Variants in KRT222 observed in about 807,000 individuals in gnomAD.
The protein encoded by KRT222 is keratin 222, also known as keratin-like protein KRT222.
A neutral mutation model predicts 35.0 loss-of-function variants in KRT222; 23 were observed. That is an observed-to-expected ratio of 0.66 (90% CI 0.47 to 0.93). The LOEUF (loss-of-function observed/expected upper bound fraction) is 0.93, where lower values mean the gene tolerates loss of function less well. Among genes scored for constraint, KRT222 ranks in the 40% least tolerant of loss-of-function variants. The pLI is 0.00. For synonymous variants in KRT222, 108 were observed against 118.8 expected (o/e 0.91, Z 0.59); for missense variants, 339 against 346.3 (o/e 0.98, Z 0.17).
chr17:40,656,623 T>G lies in KRT222; in HGVS notation c.667A>C (p.Lys223Gln), dbSNP rs779698926. The G allele has an allele frequency of 7.6e-6, 12 of 1,584,068 alleles. No individual in the cohort carries two copies. In the East Asian group the frequency reaches 2.5e-4, roughly 33 times the overall value. The change falls in exon 6 of 6, where the codon AAA becomes CAA. Residue 223 changes from lysine (K) to glutamine (Q), a missense_variant. Physicochemically the swap from Lys to Gln is moderately conservative, Grantham distance 53 (BLOSUM62 1). Transcript: ENST00000394052. ...TEAHGTIQTEKVDEVIKEWEG... is the reference protein window; with the variant it reads ...TEAHGTIQTEQVDEVIKEWEG... ...CATTCTTTAATAACTTCATCCACTTTCTCTGTCCTGAAATGATAAAATAAA... is the reference window on the plus strand; with the variant it reads ...CATTCTTTAATAACTTCATCCACTTGCTCTGTCCTGAAATGATAAAATAAA...
At chr17:40,662,289 G>A (rs1235750714) in intron 1 of KRT222, among the ~76,000 whole-genome samples, 1 of 152,122 alleles carries the variant, frequency 6.6e-6, no homozygotes, top group Non-Finnish European at 1.5e-5. Context: ...ATGACAATCT[G>A]TGAAATATGG....
Position 40,657,707 on chromosome 17 carries a change from T to C in KRT222, c.490A>G (p.Thr164Ala). The C allele has an allele frequency of 6.2e-7, 1 of 1,612,896 alleles. No individual in the cohort carries two copies. The highest frequency in any genetic ancestry group is 1.1e-5 in the South Asian group (1 of 90,966). ...IQGGKKDKKP[T>A]TSRVGFVLPS... is the part of the protein sequence containing the mutation. ...AAAACAAAACCAACTCTACTTGTGG[T>C]AGGCTTTTTGTCTTTTTTCCCACCT... Residue 164 changes from threonine (T) to alanine (A), a missense_variant, in exon 4 of 6, where the codon ACC (threonine) becomes GCC (alanine). Coordinates refer to ENST00000394052, the MANE Select transcript of KRT222 (RefSeq NM_152349.3).
chr17:40,657,345 T>C lies in KRT222; in HGVS notation c.659+7A>G. ...TATTATTTCTTAGTCAAAGTTTCTT[T>C]ACTTACTGAATAGTGCCATGAGCTT... On this transcript the variant is annotated splice_region_variant and intron_variant, in intron 5 of 5. Transcript: ENST00000394052. The C allele has an allele frequency of 6.6e-7, 1 of 1,524,198 alleles. No individual in the cohort carries two copies. Among genetic ancestry groups the C allele is most frequent in the Non-Finnish European group, 8.8e-7 (1 of 1,139,582 alleles). The allele number at this position is 1,524,198 out of a possible 1,614,324, so 94.4% of individuals were successfully genotyped here. A position where few individuals can be genotyped will look rare whatever the true frequency, so the allele number is the denominator to read the frequency against.
chr17:40,664,940 G>A lies in KRT222; in HGVS notation c.96+64C>T, dbSNP rs777840352. 8.7e-6 allele frequency: 14 copies of A among 1,610,152 alleles called. No individual in the cohort carries two copies. In the South Asian group the frequency reaches 1.5e-4, roughly 18 times the overall value. On this transcript the variant is annotated intron_variant, in intron 1 of 5. Coordinates refer to ENST00000394052, the MANE Select transcript of KRT222 (RefSeq NM_152349.3). ...ACTGTACCTCAGAGAGGCCGGGACA[G>A]GAATTGGGTAGACATGGACTGTCTC...
At position 40,661,907 on chromosome 17, in the gene KRT222, C is replaced by A; in HGVS notation, c.225+9G>T. 1.9e-6 allele frequency: 3 copies of A among 1,612,046 alleles called. No individual in the cohort carries two copies. Among genetic ancestry groups the A allele is most frequent in the Non-Finnish European group, 2.5e-6 (3 of 1,179,346 alleles). On this transcript the variant is annotated intron_variant, in intron 2 of 5. Coordinates refer to ENST00000394052, the MANE Select transcript of KRT222 (RefSeq NM_152349.3). The stretch of plus-strand genomic sequence containing the variant: ...TCGATGGGTCGGTTACTTTTGGGAT[C>A]ATTCTCACCACAGCATGGAGAGATT...
In KRT222 at chr17:40,656,489, C is replaced by T. The variant is rs749118569; in HGVS notation, c.801G>A (p.Gln267=). Residue 267 remains glutamine (Q), a synonymous_variant, in exon 6 of 6, where the codon CAG becomes CAA. Coordinates refer to ENST00000394052, the MANE Select transcript of KRT222 (RefSeq NM_152349.3). ...ATDEGCLETK[Q]DNLPDIEVRL... ...TGACTTCTATATCTGGTAGATTATC[C>T]TGCTTAGTCTCTAAACACCCTTCAT... 4 of 1,613,814 alleles carry T rather than the reference C, an allele frequency of 2.5e-6. No individual in the cohort carries two copies. The highest frequency in any genetic ancestry group is 2.2e-5 in the South Asian group (2 of 91,080).
chr17:40,662,068 A>G (rs908271474), intron 1 of KRT222, 24 bp from the exon 2 acceptor site: 2 of 1,605,382 alleles, frequency 1.2e-6, no homozygotes, highest in Admixed American at 3.5e-5. Flanking sequence ...CAACAGCAAC[A>G]ATAACAAACA....
chr17:40,661,955 C>T lies in KRT222; in HGVS notation c.186G>A (p.Trp62Ter). Reference sequence around the variant, plus strand: ...ATTCAATTTCCACTTGCAGGTGGTGCCACTGGCGTCGGGCCTCCTTGAGTT... The same window carrying T: ...ATTCAATTTCCACTTGCAGGTGGTGTCACTGGCGTCGGGCCTCCTTGAGTT... ...QAELKEARRQWHHLQVEIESL... is the reference protein window; with the variant it reads ...QAELKEARRQ The change falls in exon 2 of 6, where the codon TGG becomes TGA. Residue 62 changes from tryptophan to a stop codon, truncating the protein, a stop_gained. Transcript: ENST00000394052. LOFTEE classifies it high-confidence loss of function. The T allele has an allele frequency of 1.2e-6, 2 of 1,614,154 alleles. No homozygotes were observed. The highest frequency in any genetic ancestry group is 1.7e-6 in the Non-Finnish European group (2 of 1,180,016).
At chr17:40,662,452 G>A (rs2037389703) in intron 1 of KRT222, among the ~76,000 whole-genome samples, 1 of 152,154 alleles carries the variant, frequency 6.6e-6, no homozygotes. Context: ...TGCAGAAGCA[G>A]ATAAACAGCC....
intron 1 of KRT222, among the ~76,000 whole-genome samples, chr17:40,662,339 A>G (rs1373152593): frequency 6.6e-6 from 1 of 152,222 alleles, no homozygotes; most frequent in Non-Finnish European, 1.5e-5. Flanking sequence ...TTGCAGGACC[A>G]AGATTCGTGA....
chr17:40,664,317 ATCT>A (rs1404172365), intron 1 of KRT222, among the ~76,000 whole-genome samples: 1 of 152,222 alleles, frequency 6.6e-6, no homozygotes, highest in African/African-American at 2.4e-5. Context: ...TTTAGTCCTT[ATCT>A]AAGTAGGCTC....
intron 3 of KRT222, 53 bp from the exon 4 acceptor site, chr17:40,657,803 TAAAAC>T: frequency 8.4e-7 from 1 of 1,197,218 alleles, no homozygotes; most frequent in South Asian, 1.3e-5. Context: ...AGCAAATAAT[TAAAAC>T]AAACAGGAGA....
rs762016917 is a variant in KRT222, at chr17:40,661,951, G to A, written c.190C>T (p.His64Tyr). ...ELKEARRQWHHLQVEIESLHA... is the reference protein window; with the variant it reads ...ELKEARRQWHYLQVEIESLHA... ...AGAGATTCAATTTCCACTTGCAGGT[G>A]GTGCCACTGGCGTCGGGCCTCCTTG... is the stretch of plus-strand genomic sequence containing the variant. Residue 64 changes from histidine to tyrosine, a missense_variant, in exon 2 of 6, where the codon CAC becomes TAC. Physicochemically the swap from His to Tyr is moderately conservative, Grantham distance 83. Coordinates refer to ENST00000394052, the MANE Select transcript of KRT222 (RefSeq NM_152349.3). The A allele has an allele frequency of 1.4e-5, 22 of 1,614,060 alleles. No homozygotes were observed. Among genetic ancestry groups the A allele is most frequent in the South Asian group, 1.1e-5 (1 of 91,088 alleles).
At chr17:40,657,210 C>CAAAAAAAA (rs34128971) in intron 5 of KRT222, 142 bp downstream of exon 5, 3 of 378,714 alleles carry the variant, frequency 7.9e-6, no homozygotes, top group South Asian at 6.4e-5. Flanking sequence ...GACTCAATCT[C>CAAAAAAAA]AAAAAAAAAA....
At chr17:40,656,921 A>G (rs543239536) in intron 5 of KRT222, among the ~76,000 whole-genome samples, 1 of 152,190 alleles carries the variant, frequency 6.6e-6, no homozygotes, top group Non-Finnish European at 1.5e-5. Flanking sequence ...TAAAAATCAC[A>G]GTATAGGCTG....
chr17:40,658,352 T>C (rs2037359409), intron 3 of KRT222, among the ~76,000 whole-genome samples: 2 of 152,136 alleles, frequency 1.3e-5, no homozygotes, highest in South Asian at 4.1e-4. Context: ...AACAATTATA[T>C]AGTTACATGT....
In KRT222 at chr17:40,664,091, TA is replaced by T. The variant is rs988713192; in HGVS notation, c.96+912del. Among the ~76,000 whole-genome samples the T allele has an allele frequency of 4.7e-4, 72 of 151,916 alleles. No homozygotes were observed. The East Asian group carries it at 5.0e-3, about 11-fold the overall frequency. ...ACATTTTTCTACCAATTTTTTTTTT[TA>T]AAATTTTGGGTGATATTCTTAAGTA... On this transcript the variant is annotated intron_variant, in intron 1 of 5. Transcript: ENST00000394052.
chr17:40,659,240 G>T (rs2037365956), intron 3 of KRT222, among the ~76,000 whole-genome samples: 1 of 150,290 alleles, frequency 6.7e-6, no homozygotes, highest in South Asian at 2.1e-4. Flanking sequence ...ACTGCAACCT[G>T]CCTCTCCTGG....
At chr17:40,661,212 C>T (rs1046488676) in intron 2 of KRT222, among the ~76,000 whole-genome samples, 3 of 151,432 alleles carry the variant, frequency 2.0e-5, no homozygotes, top group South Asian at 2.1e-4. Context: ...GGATTACAGG[C>T]GTGAGCAACT....
Sources: gnomAD v4.1 joint callset for allele counts (sites outside exome capture counted in the v4.1 genomes callset) on GRCh38, gnomAD v4.1.1 for gene constraint, MANE v1.5 for transcripts, NCBI Gene and HGNC (gene_info 2026-07-23, HGNC 2026-07-21) for gene names.